MBD5: variants seen among roughly 807,000 people sequenced by gnomAD.
MBD5 encodes the protein methyl-CpG-binding domain protein 5.
MBD5 carries 13 observed loss-of-function variants against 117.3 expected under a neutral mutation model. That is an observed-to-expected ratio of 0.11 (90% CI 0.07 to 0.18). The LOEUF (loss-of-function observed/expected upper bound fraction) is 0.18, where lower values mean the gene tolerates loss of function less well. Ranked by LOEUF, MBD5 falls within the 10% of genes least tolerant of loss-of-function variation. MBD5 has a pLI of 1.00. For missense variants in MBD5, 1,879 were observed against 2,093.8 expected (o/e 0.90, Z 2.00); for synonymous variants, 727 against 766.4 (o/e 0.95, Z 0.85).
At chr2:148,308,930 T>C (rs1390229829) in intron 3 of MBD5, among the ~76,000 whole-genome samples, 1 of 152,184 alleles carries the variant, frequency 6.6e-6, no homozygotes, top group East Asian at 1.9e-4. Flanking sequence ...CCATTGCTTG[T>C]TTTTGTCAGC....
At chr2:148,288,896 TA>T (rs767865226) in intron 3 of MBD5, among the ~76,000 whole-genome samples, 3 of 152,238 alleles carry the variant, frequency 2.0e-5, no homozygotes, top group Non-Finnish European at 4.4e-5. Context: ...ATATATTTAG[TA>T]AGTTCTGTAA....
intron 1 of MBD5, among the ~76,000 whole-genome samples, chr2:148,095,923 T>A (rs1696058008): frequency 6.6e-6 from 1 of 152,084 alleles, no homozygotes; most frequent in Non-Finnish European, 1.5e-5. Flanking sequence ...TGAAAGAGAA[T>A]ATAGAAAAAG....
In MBD5 at chr2:148,483,227, T is replaced by G; in HGVS notation, c.2636T>G (p.Leu879Arg). 8 of 1,614,058 alleles carry G rather than the reference T, an allele frequency of 5.0e-6. No individual in the cohort carries two copies. The highest frequency in any genetic ancestry group is 6.8e-6 in the Non-Finnish European group (8 of 1,180,000). The change falls in exon 9 of 14, where the codon CTG becomes CGG. Residue 879 changes from leucine to arginine, a missense_variant. By Grantham distance (102) the Leu-to-Arg change is moderately radical. Transcript: ENST00000642680. ...VIVTTAAGNPLQSQLPIGSDF... is the reference protein window; with the variant it reads ...VIVTTAAGNPRQSQLPIGSDF... Reference sequence around the variant, plus strand: ...GTCACCACTGCAGCTGGAAACCCACTGCAGAGTCAGCTACCCATTGGGAGT... The same window carrying G: ...GTCACCACTGCAGCTGGAAACCCACGGCAGAGTCAGCTACCCATTGGGAGT...
intron 1 of MBD5, among the ~76,000 whole-genome samples, chr2:148,177,082 A>C (rs1698409170): frequency 6.6e-6 from 1 of 152,176 alleles, no homozygotes; most frequent in Non-Finnish European, 1.5e-5. Context: ...TAGTATGTCT[A>C]TATTGATTTA....
At chr2:148,183,570 C>T (rs1698580003) in intron 2 of MBD5, among the ~76,000 whole-genome samples, 1 of 151,902 alleles carries the variant, frequency 6.6e-6, no homozygotes, top group Non-Finnish European at 1.5e-5. Flanking sequence ...AGAATCTTGT[C>T]CATTCTGACA....
Position 148,021,447 on chromosome 2 carries a change from C to T in MBD5, c.-1162C>T. 1 of 568,522 alleles carries T rather than the reference C, an allele frequency of 1.8e-6. No homozygotes were observed. Among genetic ancestry groups the T allele is most frequent in the South Asian group, 1.5e-5 (1 of 65,904 alleles). 35.2% of individuals were successfully genotyped at this position (568,522 alleles called of 1,614,324 possible). A position where few individuals can be genotyped will look rare whatever the true frequency, so the allele number is the denominator to read the frequency against. On this transcript the variant is annotated 5_prime_UTR_variant, in exon 1 of 14. Coordinates refer to ENST00000642680, the MANE Select transcript of MBD5 (RefSeq NM_001378120.1). ...ACCAAAAGCCTCTTAGCAACACAGA[C>T]CCTTTGCTGCTGCTGTTGCTGCTGC... is the stretch of plus-strand genomic sequence containing the variant.
intron 3 of MBD5, among the ~76,000 whole-genome samples, chr2:148,278,145 G>A (rs1190692654): frequency 3.9e-5 from 6 of 152,180 alleles, no homozygotes; most frequent in Admixed American, 3.9e-4. Flanking sequence ...TACACCATAT[G>A]TAGCCTTTGA....
intron 10 of MBD5, among the ~76,000 whole-genome samples, chr2:148,487,600 A>G (rs1486181666): frequency 5.3e-5 from 8 of 152,242 alleles, no homozygotes; most frequent in Admixed American, 5.2e-4. Context: ...TTTAGCAATT[A>G]GGACATCATC....
chr2:148,250,698 A>G (rs1334846146), intron 3 of MBD5, among the ~76,000 whole-genome samples: 1 of 152,222 alleles, frequency 6.6e-6, no homozygotes, highest in Non-Finnish European at 1.5e-5. Flanking sequence ...TAGTCATTAT[A>G]CTATGGTGGT....
chr2:148,059,940 A>C (rs1694981607), intron 1 of MBD5, among the ~76,000 whole-genome samples: 1 of 151,058 alleles, frequency 6.6e-6, no homozygotes, highest in South Asian at 2.1e-4. Flanking sequence ...GTGACTGGTG[A>C]GATTCTGTTG....
chr2:148,301,236 G>C (rs1194612357), intron 3 of MBD5, among the ~76,000 whole-genome samples: 1 of 152,186 alleles, frequency 6.6e-6, no homozygotes, highest in Non-Finnish European at 1.5e-5. Context: ...GCAGTAGCCT[G>C]TGTAGCTGGA....
intron 1 of MBD5, among the ~76,000 whole-genome samples, chr2:148,105,004 G>T: frequency 6.6e-6 from 1 of 151,776 alleles, no homozygotes; most frequent in Non-Finnish European, 1.5e-5. Context: ...TTTATCTGTG[G>T]GTAGATATTT....
At chr2:148,399,061 T>C (rs538542260) in intron 4 of MBD5, among the ~76,000 whole-genome samples, 2 of 152,320 alleles carry the variant, frequency 1.3e-5, no homozygotes, top group African/African-American at 4.8e-5. Flanking sequence ...TGTAGCCTTG[T>C]AATATAGTTT....
intron 1 of MBD5, among the ~76,000 whole-genome samples, chr2:148,139,709 A>T (rs1640477668): frequency 1.3e-5 from 2 of 152,086 alleles, no homozygotes; most frequent in Non-Finnish European, 2.9e-5. Flanking sequence ...TCCCAGGATG[A>T]CTTCTCCACT....
At chr2:148,413,857 T>C (rs1574398931) in intron 4 of MBD5, among the ~76,000 whole-genome samples, 2 of 151,832 alleles carry the variant, frequency 1.3e-5, no homozygotes, top group Admixed American at 1.3e-4. Context: ...GAATCTTTTT[T>C]CTTTTTTCTT....
chr2:148,139,438 T>A (rs1054685035), intron 1 of MBD5, among the ~76,000 whole-genome samples: 2 of 152,106 alleles, frequency 1.3e-5, no homozygotes, highest in Admixed American at 1.3e-4. Context: ...AATCCTGACC[T>A]CGGGTGATCT....
chr2:148,300,459 C>A (rs183079116), intron 3 of MBD5, among the ~76,000 whole-genome samples: 1 of 151,874 alleles, frequency 6.6e-6, no homozygotes, highest in Non-Finnish European at 1.5e-5. Flanking sequence ...ATCACTTGTT[C>A]CCTTTGCTTG....
intron 3 of MBD5, among the ~76,000 whole-genome samples, chr2:148,261,438 G>A (rs940778724): frequency 6.6e-6 from 1 of 152,180 alleles, no homozygotes; most frequent in Non-Finnish European, 1.5e-5. Context: ...TTGTGGAGAT[G>A]GCTTCTTTTC....
At chr2:148,418,825 C>G (rs1019330404) in intron 4 of MBD5, among the ~76,000 whole-genome samples, 4 of 151,866 alleles carry the variant, frequency 2.6e-5, no homozygotes, top group African/African-American at 9.7e-5. Context: ...TTCAATGCAA[C>G]TCTTATCAAA....
Sources: gnomAD v4.1 joint callset for allele counts (sites outside exome capture counted in the v4.1 genomes callset) on GRCh38, gnomAD v4.1.1 for gene constraint, MANE v1.5 for transcripts, NCBI Gene and HGNC (gene_info 2026-07-23, HGNC 2026-07-21) for gene names.